The following TERF2IP variants were observed in gnomAD, a reference collection of about 807,000 sequenced individuals.
The protein encoded by TERF2IP is telomeric repeat-binding factor 2-interacting protein 1.
A neutral mutation model predicts 33.3 loss-of-function variants in TERF2IP; 35 were observed. The ratio of observed to expected loss-of-function variants is 1.05; its 90% CI spans 0.80 to 1.39. TERF2IP has a LOEUF of 1.39. Ranked by LOEUF, TERF2IP falls within the 40% of genes most tolerant of loss-of-function variation. TERF2IP has a pLI of 0.00. For missense variants in TERF2IP, 583 were observed against 524.8 expected, an observed-to-expected ratio of 1.11 and a Z score of -1.08; for synonymous variants, 253 against 223.2, an observed-to-expected ratio of 1.13 and a Z score of -1.19.
chr16:75,649,013 C>T (rs937542610), intron 1 of TERF2IP, among the ~76,000 whole-genome samples: 2 of 151,736 alleles, frequency 1.3e-5, no homozygotes, highest in African/African-American at 4.8e-5. Flanking sequence ...ACTCCCGCGC[C>T]ACCACGTCCC....
chr16:75,650,567 GCT>G (rs1339942719), intron 1 of TERF2IP, among the ~76,000 whole-genome samples: 1 of 152,082 alleles, frequency 6.6e-6, no homozygotes, highest in Non-Finnish European at 1.5e-5. Context: ...ATGGGGTCTT[GCT>G]CTGTCACACA....
Position 75,654,392 on chromosome 16 carries a change from G to A in TERF2IP, c.790G>A (p.Val264Ile), listed in dbSNP as rs776321445. The change falls in exon 2 of 3, where the codon GTT (valine) becomes ATT (isoleucine). Residue 264 changes from valine (V) to isoleucine (I), a missense_variant. Transcript: ENST00000300086. ...LVEATREFEE[V>I]VVDESPPDFE... ...GGAAGCCACCCGGGAGTTTGAGGAG[G>A]TTGTGGTATGTTAACTAGATTTACT... 1.2e-6 allele frequency: 2 copies of A among 1,612,390 alleles called. No homozygotes were observed. The highest frequency in any genetic ancestry group is 2.2e-5 in the East Asian group (1 of 44,852).
intron 1 of TERF2IP, among the ~76,000 whole-genome samples, chr16:75,650,340 T>C (rs1282165868): frequency 6.6e-6 from 1 of 151,442 alleles, no homozygotes; most frequent in Non-Finnish European, 1.5e-5. Context: ...TGGGGAAGAG[T>C]GTTCAGGCAG....
chr16:75,654,259 C>A lies in TERF2IP; in HGVS notation c.671-14C>A. The A allele has an allele frequency of 6.3e-7, 1 of 1,593,344 alleles. No individual in the cohort carries two copies. The highest frequency in any genetic ancestry group is 2.3e-5 in the East Asian group (1 of 43,684). On this transcript the variant is annotated splice_polypyrimidine_tract_variant and intron_variant, in intron 1 of 2. Transcript: ENST00000300086. ...GAGGCTATTGCTAATCTGTGCTGTT[C>A]TTCTCTTTAACAGAACCACAGAATA...
At chr16:75,652,920 C>A (rs894811454) in intron 1 of TERF2IP, among the ~76,000 whole-genome samples, 1 of 152,200 alleles carries the variant, frequency 6.6e-6, no homozygotes, top group Admixed American at 6.5e-5. Flanking sequence ...TTCCCCATTT[C>A]TCCCTCCTCT....
chr16:75,650,913 T>C (rs1380297655), intron 1 of TERF2IP, among the ~76,000 whole-genome samples: 1 of 152,190 alleles, frequency 6.6e-6, no homozygotes, highest in Non-Finnish European at 1.5e-5. Context: ...TTAAGCTGTA[T>C]TCATCCTACC....
rs1406977583 is a variant in TERF2IP, at chr16:75,654,376, C to G, written c.774C>G (p.Thr258=). 1 of 1,613,338 alleles carries G rather than the reference C, an allele frequency of 6.2e-7. No homozygotes were observed. The highest frequency in any genetic ancestry group is 8.5e-7 in the Non-Finnish European group (1 of 1,179,660). ...TCAAAAAGATGCTTGTGGAAGCCAC[C>G]CGGGAGTTTGAGGAGGTTGTGGTAT... The part of the protein sequence containing the change: ...EAVKKMLVEA[T]REFEEVVVDE... Residue 258 remains threonine, a synonymous_variant, in exon 2 of 3, where the codon ACC becomes ACG. Transcript: ENST00000300086.
rs2082320703 is a variant in TERF2IP, at chr16:75,648,506, G to A, written c.624G>A (p.Lys208=). ...CGCCGGTGAGCCCCTCCTCCCAGAAGCTCAAGCGGAAGGCGGAGGAGGACC... is the reference window on the plus strand; with the variant it reads ...CGCCGGTGAGCCCCTCCTCCCAGAAACTCAAGCGGAAGGCGGAGGAGGACC... ...GDAPVSPSSQ[K]LKRKAEEDPE... The change falls in exon 1 of 3, where the codon AAG becomes AAA. Residue 208 remains lysine (K), a synonymous_variant. Transcript: ENST00000300086. 1 of 1,583,180 alleles carries A rather than the reference G, an allele frequency of 6.3e-7. No homozygotes were observed. The highest frequency in any genetic ancestry group is 8.6e-7 in the Non-Finnish European group (1 of 1,163,820).
In TERF2IP at chr16:75,648,496, C is replaced by G; in HGVS notation, c.614C>G (p.Ser205Cys). Reference protein sequence around the residue: ...YLLGDAPVSPSSQKLKRKAEE... With the variant: ...YLLGDAPVSPCSQKLKRKAEE... Reference sequence around the variant, plus strand: ...CTGGGGGACGCGCCGGTGAGCCCCTCCTCCCAGAAGCTCAAGCGGAAGGCG... The same window carrying G: ...CTGGGGGACGCGCCGGTGAGCCCCTGCTCCCAGAAGCTCAAGCGGAAGGCG... Residue 205 changes from serine to cysteine, a missense_variant, in exon 1 of 3, where the codon TCC becomes TGC. By Grantham distance (112) the Ser-to-Cys change is moderately radical. Transcript: ENST00000300086. 6.3e-7 allele frequency: 1 copy of G among 1,587,774 alleles called. No individual in the cohort carries two copies. The highest frequency in any genetic ancestry group is 2.3e-5 in the East Asian group (1 of 43,990).
Position 75,648,426 on chromosome 16 carries a change from G to T in TERF2IP, c.544G>T (p.Asp182Tyr). The change falls in exon 1 of 3, where the codon GAC (aspartate) becomes TAC (tyrosine). Residue 182 changes from aspartate to tyrosine, a missense_variant. Transcript: ENST00000300086. ...GCAGCACTCGTGGCAGTCCCTGAAGGACCGCTACCTCAAGCACCTGCGGGG... is the reference window on the plus strand; with the variant it reads ...GCAGCACTCGTGGCAGTCCCTGAAGTACCGCTACCTCAAGCACCTGCGGGG... ...LTQHSWQSLK[D>Y]RYLKHLRGQE... The T allele has an allele frequency of 2.5e-6, 4 of 1,605,452 alleles. No homozygotes were observed. The highest frequency in any genetic ancestry group is 3.4e-6 in the Non-Finnish European group (4 of 1,176,618).
rs200704821 is a variant in TERF2IP at position 75,656,272 on chromosome 16, T to C, written c.861T>C (p.Pro287=). 2 of 1,613,964 alleles carry C rather than the reference T, an allele frequency of 1.2e-6. No homozygotes were observed. The highest frequency in any genetic ancestry group is 4.5e-5 in the East Asian group (2 of 44,876). Residue 287 remains proline (P), a synonymous_variant, in exon 3 of 3, where the codon CCT becomes CCC. Coordinates refer to ENST00000300086, the MANE Select transcript of TERF2IP (RefSeq NM_018975.4). Reference sequence around the variant, plus strand: ...TGTGTGATGATGATCCACCCACACCTGAGGAAGACTCAGAAACACAGCCTG... The same window carrying C: ...TGTGTGATGATGATCCACCCACACCCGAGGAAGACTCAGAAACACAGCCTG... The part of the protein sequence containing the change: ...ITMCDDDPPT[P]EEDSETQPDE...
Position 75,656,502 on chromosome 16 carries a change from G to T in TERF2IP, c.1091G>T (p.Arg364Leu), listed in dbSNP as rs752369066. Residue 364 changes from arginine to leucine, a missense_variant, in exon 3 of 3, where the codon CGA becomes CTA. Arg to Leu is a moderately radical substitution (Grantham distance 102). Transcript: ENST00000300086. Reference protein sequence around the residue: ...QRADGYPIWSRQDDIDLQKDD... With the variant: ...QRADGYPIWSLQDDIDLQKDD... ...GCTGATGGATATCCCATTTGGTCCC[G>T]ACAAGATGACATAGATTTGCAAAAA... is the stretch of plus-strand genomic sequence containing the variant. 5.0e-6 allele frequency: 8 copies of T among 1,614,124 alleles called. No individual in the cohort carries two copies. In the South Asian group the frequency reaches 8.8e-5, roughly 18 times the overall value.
intron 1 of TERF2IP, among the ~76,000 whole-genome samples, chr16:75,649,710 T>C (rs1213519897): frequency 6.6e-6 from 1 of 152,198 alleles, no homozygotes; most frequent in Admixed American, 6.5e-5. Flanking sequence ...ACTTTAATGC[T>C]CTGGCGTAAC....
chr16:75,648,877 T>A (rs2082325046), intron 1 of TERF2IP, among the ~76,000 whole-genome samples: 1 of 151,342 alleles, frequency 6.6e-6, no homozygotes, highest in South Asian at 2.1e-4. Context: ...ATTTTTTAAT[T>A]TTTGAGTGGG....
intron 1 of TERF2IP, among the ~76,000 whole-genome samples, chr16:75,649,742 A>T (rs1359725055): frequency 6.6e-6 from 1 of 152,202 alleles, no homozygotes; most frequent in Non-Finnish European, 1.5e-5. Context: ...GGACTTAAGA[A>T]GGTTCTCGGC....
At position 75,649,878 on chromosome 16, in the gene TERF2IP, C is replaced by T. The variant is rs1414203737; in HGVS notation, c.670+1326C>T. Among the ~76,000 whole-genome samples the T allele has an allele frequency of 2.0e-5, 3 of 152,124 alleles. No individual in the cohort carries two copies. In the East Asian group the frequency reaches 5.8e-4, roughly 29 times the overall value. On this transcript the variant is annotated intron_variant, in intron 1 of 2. Coordinates refer to ENST00000300086, the MANE Select transcript of TERF2IP (RefSeq NM_018975.4). Reference sequence around the variant, plus strand: ...TGTTAAGATGTACTTGGTGACGTACCTGGCATTGATAACTTAAACCGATAG... The same window carrying T: ...TGTTAAGATGTACTTGGTGACGTACTTGGCATTGATAACTTAAACCGATAG...
chr16:75,652,630 T>C (rs531079211), intron 1 of TERF2IP, among the ~76,000 whole-genome samples: 1 of 152,238 alleles, frequency 6.6e-6, no homozygotes, highest in Admixed American at 6.5e-5. Context: ...TTTAAGAATT[T>C]TATTAAATAC....
chr16:75,651,628 G>A (rs1321526764), intron 1 of TERF2IP, among the ~76,000 whole-genome samples: 1 of 152,152 alleles, frequency 6.6e-6, no homozygotes, highest in East Asian at 1.9e-4. Flanking sequence ...GGTGTAGGTT[G>A]CAATGAGCTG....
At chr16:75,654,168 A>T in intron 1 of TERF2IP, 105 bp from the exon 2 acceptor site, 1 of 993,052 alleles carries the variant, frequency 1.0e-6, no homozygotes. Context: ...AAAAAAAAAA[A>T]AAAAAGTGCA....
Sources: allele counts gnomAD v4.1 joint callset (sites outside exome capture counted in the v4.1 genomes callset), GRCh38; gene constraint gnomAD v4.1.1; transcripts MANE v1.5; gene names NCBI Gene and HGNC (gene_info 2026-07-23, HGNC 2026-07-21).